The following KEL variants were observed in gnomAD, a reference collection of about 807,000 sequenced individuals.
KEL encodes Kell metallo-endopeptidase (Kell blood group).
Under a neutral mutation model 99.5 loss-of-function variants are expected in KEL, and 96 were observed. That is an observed-to-expected ratio of 0.97 (90% CI 0.82 to 1.14). The LOEUF (loss-of-function observed/expected upper bound fraction) is 1.14. Ranked by LOEUF, KEL falls within the 50% of genes most tolerant of loss-of-function variation. The probability of loss-of-function intolerance (pLI) is 0.00; values close to 1 mark genes in which losing one functional copy is unlikely to be tolerated. For missense variants in KEL, 926 were observed against 924.2 expected (o/e 1.00, Z -0.03); for synonymous variants, 355 against 354.8 (o/e 1.00, Z -0.01).
chr7:142,952,612 A>C lies in KEL; in HGVS notation c.1100T>G (p.Leu367Ter). 1 of 1,614,136 alleles carries C rather than the reference A, an allele frequency of 6.2e-7. No individual in the cohort carries two copies. Among genetic ancestry groups the C allele is most frequent in the Non-Finnish European group, 8.5e-7 (1 of 1,180,006 alleles). ...QRDFLQSHMI[L>*]GLVVTLSPAL... is the part of the protein sequence containing the mutation. ...TGGAGAAAGGGTCACCACCAGCCCT[A>C]AGATCATGTGGCTCTGCAGAAAGTC... is the stretch of plus-strand genomic sequence containing the variant. Residue 367 changes from leucine (L) to a stop codon, truncating the protein, a stop_gained, in exon 10 of 19, where the codon TTA becomes TGA. Coordinates refer to ENST00000355265, the MANE Select transcript of KEL (RefSeq NM_000420.3). LOFTEE classifies it high-confidence loss of function.
Position 142,942,494 on chromosome 7 carries a change from C to T in KEL, c.1977G>A (p.Glu659=), listed in dbSNP as rs1486138947. 6.2e-7 allele frequency: 1 copy of T among 1,610,340 alleles called. No homozygotes were observed. Among genetic ancestry groups the T allele is most frequent in the East Asian group, 2.2e-5 (1 of 44,868 alleles). ...YSKRLLRHHG[E]TVLPSLDLSP... The stretch of plus-strand genomic sequence containing the variant: ...TGAGGTCCAGGCTGGGCAGGACAGT[C>T]TCCCCATGGTGCCGTAACAGCCTCT... The change falls in exon 18 of 19, where the codon GAG becomes GAA. Residue 659 remains glutamate (E), a synonymous_variant. Coordinates refer to ENST00000355265, the MANE Select transcript of KEL (RefSeq NM_000420.3).
At position 142,946,758 on chromosome 7, in the gene KEL, C is replaced by T. The variant is rs8176017; in HGVS notation, c.1204-441G>A. 3.3e-3 allele frequency: 845 copies of T among 252,488 alleles called. 7 individuals carry two copies. The highest frequency in any genetic ancestry group is 0.018 in the African/African-American group (800 of 45,404). The allele number at this position is 252,488 out of a possible 1,614,324, so 15.6% of individuals were successfully genotyped here. On this transcript the variant is annotated intron_variant, in intron 10 of 18. Transcript: ENST00000355265. The stretch of plus-strand genomic sequence containing the variant: ...CGGAGATTGCGGATGGAAATTCTGT[C>T]CTACCACCATCACCTTTATCCTCTC...
Sources: allele counts gnomAD v4.1 joint callset, GRCh38; gene constraint gnomAD v4.1.1; transcripts MANE v1.5; gene names NCBI Gene and HGNC (gene_info 2026-07-23, HGNC 2026-07-21).